Variants in ASB3 observed in about 807,000 individuals in gnomAD.
ASB3 encodes the protein ankyrin repeat and SOCS box containing 3.
Under a neutral mutation model 54.5 loss-of-function variants are expected in ASB3, and 41 were observed. That is an observed-to-expected ratio of 0.75 (90% confidence interval 0.59 to 0.98). The LOEUF (loss-of-function observed/expected upper bound fraction) is 0.98, where lower values mean the gene tolerates loss of function less well. Ranked by LOEUF, ASB3 falls within the 50% of genes least tolerant of loss-of-function variation. ASB3 has a pLI of 0.00. For missense variants in ASB3, 733 were observed against 620.0 expected (o/e 1.18, Z -1.94); for synonymous variants, 266 against 221.2 (o/e 1.20, Z -1.80).
chr2:53,701,105 G>C (rs549157785), intron 7 of ASB3, among the ~76,000 whole-genome samples: 2 of 152,130 alleles, frequency 1.3e-5, no homozygotes, highest in African/African-American at 4.8e-5. Flanking sequence ...TCCTGAGTAG[G>C]TGGGACTACA....
intron 7 of ASB3, among the ~76,000 whole-genome samples, chr2:53,708,273 C>T (rs1669900833): frequency 6.6e-6 from 1 of 152,160 alleles, no homozygotes; most frequent in South Asian, 2.1e-4. Flanking sequence ...CCTGCTCCTG[C>T]CATGTAAGAA....
At chr2:53,671,429 T>C (rs886975397) in intron 9 of ASB3, among the ~76,000 whole-genome samples, 2 of 150,644 alleles carry the variant, frequency 1.3e-5, no homozygotes, top group African/African-American at 4.9e-5. Context: ...AAAAGCTAAC[T>C]ACCAATTAAA....
intron 9 of ASB3, among the ~76,000 whole-genome samples, chr2:53,676,535 T>A (rs1668088741): frequency 6.6e-6 from 1 of 152,200 alleles, no homozygotes; most frequent in Admixed American, 6.5e-5. Context: ...AAAATTATTA[T>A]TATCTAGTGA....
chr2:53,703,384 C>A (rs1050327410), intron 7 of ASB3, among the ~76,000 whole-genome samples: 3 of 152,170 alleles, frequency 2.0e-5, no homozygotes, highest in African/African-American at 7.2e-5. Context: ...GTGTCATTCT[C>A]ACAAAGAATA....
At chr2:53,737,477 C>T (rs1671704859) in intron 3 of ASB3, among the ~76,000 whole-genome samples, 1 of 151,936 alleles carries the variant, frequency 6.6e-6, no homozygotes, top group Non-Finnish European at 1.5e-5. Context: ...TTGGTTCAAG[C>T]GTAGGTTGCA....
chr2:53,763,627 G>C (rs1304813175), intron 2 of ASB3: 1 of 169,300 alleles, frequency 5.9e-6, no homozygotes, highest in East Asian at 1.9e-4. Flanking sequence ...GAATTTAACA[G>C]CCAGTTCAAA....
chr2:53,721,492 A>G (rs1670711588), intron 5 of ASB3, among the ~76,000 whole-genome samples: 2 of 151,774 alleles, frequency 1.3e-5, no homozygotes, highest in South Asian at 4.2e-4. Context: ...AATTGCTTGA[A>G]CCTGGGAGGC....
At chr2:53,694,723 C>T (rs948067958) in intron 8 of ASB3, among the ~76,000 whole-genome samples, 3 of 152,140 alleles carry the variant, frequency 2.0e-5, no homozygotes, top group Non-Finnish European at 4.4e-5. Flanking sequence ...ATGTTTAATA[C>T]TGCTTCTGCT....
At chr2:53,690,310 G>T (rs1558518415) in intron 9 of ASB3, among the ~76,000 whole-genome samples, 2 of 152,034 alleles carry the variant, frequency 1.3e-5, no homozygotes, top group Non-Finnish European at 2.9e-5. Flanking sequence ...TATTTAGAGA[G>T]AACTGCTCAA....
intron 5 of ASB3, among the ~76,000 whole-genome samples, chr2:53,717,594 G>A (rs761314531): frequency 6.6e-6 from 1 of 152,120 alleles, no homozygotes; most frequent in Non-Finnish European, 1.5e-5. Context: ...ATCTCCAGAT[G>A]AAAAGGAACT....
chr2:53,708,174 C>A (rs931307799), intron 7 of ASB3, among the ~76,000 whole-genome samples: 1 of 152,040 alleles, frequency 6.6e-6, no homozygotes, highest in Non-Finnish European at 1.5e-5. Context: ...TTAGCACCAT[C>A]CCCCTCGGTA....
chr2:53,771,886 T>G, intron 1 of ASB3: 1 of 1,514,286 alleles, frequency 6.6e-7, no homozygotes, highest in Non-Finnish European at 9.0e-7. Context: ...AGAAAAATTT[T>G]TTTTTACCTT....
chr2:53,729,611 G>A (rs761155524), intron 3 of ASB3, 41 bp from the exon 4 acceptor site: 27 of 1,581,332 alleles, frequency 1.7e-5, no homozygotes, highest in Non-Finnish European at 2.3e-5. Flanking sequence ...CAGCAAAAAG[G>A]CATGTTTGTA....
intron 6 of ASB3, among the ~76,000 whole-genome samples, chr2:53,716,146 G>A (rs914240153): frequency 4.3e-4 from 65 of 152,266 alleles, no homozygotes; most frequent in African/African-American, 1.5e-3. Context: ...TTTAAGACAG[G>A]GAGGACTACT....
chr2:53,725,523 T>C (rs1165598653), intron 5 of ASB3, among the ~76,000 whole-genome samples: 1 of 152,230 alleles, frequency 6.6e-6, no homozygotes, highest in Non-Finnish European at 1.5e-5. Context: ...TTTTAAAAGC[T>C]AACCTCACTT....
chr2:53,747,815 A>T (rs545573650), intron 3 of ASB3, among the ~76,000 whole-genome samples: 2 of 152,312 alleles, frequency 1.3e-5, no homozygotes, highest in Admixed American at 1.3e-4. Context: ...AGAATGCATA[A>T]AGAGATCAGT....
At chr2:53,676,339 C>G (rs546719198) in intron 9 of ASB3, among the ~76,000 whole-genome samples, 6 of 152,268 alleles carry the variant, frequency 3.9e-5, no homozygotes, top group South Asian at 4.1e-4. Context: ...TCTCCATTAC[C>G]TTACATTTGG....
In ASB3 at chr2:53,675,399, G is replaced by T. The variant is rs190333841; in HGVS notation, c.1370-4709C>A. On this transcript the variant is annotated intron_variant, in intron 9 of 9. Coordinates refer to ENST00000263634, the MANE Select transcript of ASB3 (RefSeq NM_016115.5). ...ACTTTAAATAATTTCATTTTTAAAGGTATAAGACTCCTTTAAATATTAATA... is the reference window on the plus strand; with the variant it reads ...ACTTTAAATAATTTCATTTTTAAAGTTATAAGACTCCTTTAAATATTAATA... Among the ~76,000 whole-genome samples, 6 of 152,058 alleles carry T rather than the reference G, an allele frequency of 3.9e-5. No individual in the cohort carries two copies. In the East Asian group the frequency reaches 1.2e-3, roughly 30 times the overall value.
chr2:53,733,152 G>T (rs1234529922), intron 3 of ASB3, among the ~76,000 whole-genome samples: 1 of 152,138 alleles, frequency 6.6e-6, no homozygotes, highest in Non-Finnish European at 1.5e-5. Flanking sequence ...TGGGAATACA[G>T]ATGAAATGGG....
Sources: allele counts gnomAD v4.1 joint callset (sites outside exome capture counted in the v4.1 genomes callset), GRCh38; gene constraint gnomAD v4.1.1; transcripts MANE v1.5; gene names NCBI Gene and HGNC (gene_info 2026-07-23, HGNC 2026-07-21).